The following PDE10A variants were observed in gnomAD, a reference collection of about 807,000 sequenced individuals.
The protein encoded by PDE10A is phosphodiesterase 10A.
In PDE10A, 39 loss-of-function variants were observed where a neutral mutation model predicts 97.7. The ratio of observed to expected loss-of-function variants is 0.40; its 90% CI spans 0.31 to 0.52. PDE10A has a LOEUF of 0.52. PDE10A is among the 20% of genes least tolerant of loss of function. The pLI, the probability that PDE10A is intolerant of heterozygous loss-of-function variation, is 0.56. For synonymous variants in PDE10A, 371 were observed against 376.8 expected, an observed-to-expected ratio of 0.98 and a Z score of 0.18; for missense variants, 731 against 1,047.8, an observed-to-expected ratio of 0.70 and a Z score of 4.17.
intron 1 of PDE10A, among the ~76,000 whole-genome samples, chr6:165,977,441 C>T (rs1383178660): frequency 1.3e-5 from 2 of 152,192 alleles, no homozygotes; most frequent in Non-Finnish European, 2.9e-5. Context: ...GTCCTCAAAG[C>T]AAGCACAATA....
intron 16 of PDE10A, 136 bp downstream of exon 16, chr6:165,392,510 G>A: frequency 1.5e-6 from 1 of 655,580 alleles, no homozygotes. Context: ...GTCTAAAAAT[G>A]GGCTACTATT....
At chr6:165,462,222 G>T (rs1177888406) in intron 3 of PDE10A, among the ~76,000 whole-genome samples, 1 of 152,200 alleles carries the variant, frequency 6.6e-6, no homozygotes, top group Non-Finnish European at 1.5e-5. Context: ...TGGAAAGAAT[G>T]AATCTTTTTC....
chr6:165,494,622 C>T (rs547400077), intron 2 of PDE10A, among the ~76,000 whole-genome samples: 19 of 151,392 alleles, frequency 1.3e-4, no homozygotes, highest in Middle Eastern at 3.4e-3. Flanking sequence ...TATTGAAAAC[C>T]ACATTTTGCA....
chr6:165,970,510 A>G (rs1784636308), intron 1 of PDE10A, among the ~76,000 whole-genome samples: 1 of 152,090 alleles, frequency 6.6e-6, no homozygotes, highest in Non-Finnish European at 1.5e-5. Context: ...AAATTTAAAT[A>G]TCTGTTTTTT....
chr6:165,342,893 TATGA>T (rs1196166980), intron 19 of PDE10A, among the ~76,000 whole-genome samples: 2 of 152,220 alleles, frequency 1.3e-5, no homozygotes, highest in African/African-American at 4.8e-5. Flanking sequence ...TCAGGAGTAT[TATGA>T]ATGAATATTC....
At chr6:165,541,709 A>G (rs1428036828) in intron 2 of PDE10A, among the ~76,000 whole-genome samples, 1 of 152,228 alleles carries the variant, frequency 6.6e-6, no homozygotes, top group Non-Finnish European at 1.5e-5. Flanking sequence ...TGAGGCTTAT[A>G]AAAACTAAAT....
chr6:165,812,043 G>A (rs536881020), intron 1 of PDE10A, among the ~76,000 whole-genome samples: 3 of 152,128 alleles, frequency 2.0e-5, no homozygotes, highest in South Asian at 2.1e-4. Context: ...TAATAGAGAC[G>A]GGGTTTCACC....
chr6:165,962,532 C>T (rs1210368794), intron 1 of PDE10A, among the ~76,000 whole-genome samples: 2 of 151,072 alleles, frequency 1.3e-5, no homozygotes, highest in Non-Finnish European at 2.9e-5. Flanking sequence ...TTCCATGGGG[C>T]CCTGGGACAG....
chr6:165,700,269 T>C (rs945233536), intron 1 of PDE10A, among the ~76,000 whole-genome samples: 19 of 151,648 alleles, frequency 1.3e-4, no homozygotes, highest in Non-Finnish European at 2.9e-5. Flanking sequence ...AGACAGAAGA[T>C]GGTTGTGTAG....
intron 18 of PDE10A, among the ~76,000 whole-genome samples, chr6:165,363,120 A>G (rs1046211622): frequency 2.0e-5 from 3 of 152,238 alleles, no homozygotes; most frequent in African/African-American, 7.2e-5. Context: ...ACCACACTTA[A>G]TGGTGAAAGA....
intron 10 of PDE10A, among the ~76,000 whole-genome samples, chr6:165,425,049 G>A (rs1334610312): frequency 3.9e-5 from 6 of 152,038 alleles, no homozygotes; most frequent in African/African-American, 1.4e-4. Context: ...TGTTCATTAG[G>A]TTCCAGCTAA....
intron 1 of PDE10A, among the ~76,000 whole-genome samples, chr6:165,691,203 C>CCCCACA (rs1420406569): frequency 1.8e-5 from 2 of 108,662 alleles, no homozygotes; most frequent in South Asian, 6.8e-4. Context: ...CTCTCTCTCC[C>CCCCACA]CACACACACA....
chr6:165,453,399 G>C (rs192778848), intron 3 of PDE10A, among the ~76,000 whole-genome samples: 1 of 152,172 alleles, frequency 6.6e-6, no homozygotes, highest in Admixed American at 6.5e-5. Context: ...AAAGTAGCAG[G>C]GTGCTATTCA....
chr6:165,357,328 A>C (rs1440958923), intron 18 of PDE10A, among the ~76,000 whole-genome samples: 1 of 152,160 alleles, frequency 6.6e-6, no homozygotes, highest in Non-Finnish European at 1.5e-5. Flanking sequence ...TTATAGTTAG[A>C]TCCAAAGGGA....
intron 1 of PDE10A, among the ~76,000 whole-genome samples, chr6:165,804,340 G>A (rs76589540): frequency 0.015 from 2,294 of 152,268 alleles, 55 homozygotes; most frequent in African/African-American, 0.053. Context: ...GCTGCTACAG[G>A]AATGTGCTTC....
intron 1 of PDE10A, among the ~76,000 whole-genome samples, chr6:165,602,135 G>A (rs779146857): frequency 9.9e-5 from 15 of 152,210 alleles, no homozygotes; most frequent in Non-Finnish European, 1.8e-4. Flanking sequence ...GGCTTGGACA[G>A]TGGCAGCAGA....
At chr6:165,821,208 G>T (rs1779559234) in intron 1 of PDE10A, among the ~76,000 whole-genome samples, 1 of 152,162 alleles carries the variant, frequency 6.6e-6, no homozygotes, top group African/African-American at 2.4e-5. Flanking sequence ...CACAGTGGAT[G>T]CCGGCCTGGA....
At chr6:165,693,145 A>G (rs566572459) in intron 1 of PDE10A, among the ~76,000 whole-genome samples, 36 of 152,246 alleles carry the variant, frequency 2.4e-4, no homozygotes, top group African/African-American at 7.9e-4. Flanking sequence ...TTTGGGTTTC[A>G]CTCTGGATGC....
At chr6:165,816,542 G>A (rs1779418692) in intron 1 of PDE10A, among the ~76,000 whole-genome samples, 2 of 152,180 alleles carry the variant, frequency 1.3e-5, no homozygotes, top group African/African-American at 4.8e-5. Context: ...CAATAAGAAC[G>A]GGGGCCTTGC....
Sources: allele counts gnomAD v4.1 joint callset (sites outside exome capture counted in the v4.1 genomes callset), GRCh38; gene constraint gnomAD v4.1.1; transcripts MANE v1.5; gene names NCBI Gene and HGNC (gene_info 2026-07-23, HGNC 2026-07-21).